RBFOX3: variants seen among roughly 807,000 people sequenced by gnomAD.
RBFOX3 encodes RNA binding protein fox-1 homolog 3.
RBFOX3 carries 17 observed loss-of-function variants against 48.7 expected under a neutral mutation model. That is an observed-to-expected ratio of 0.35 (90% CI 0.24 to 0.52). RBFOX3 has a LOEUF of 0.52. Among genes scored for constraint, RBFOX3 ranks in the 20% least tolerant of loss-of-function variants. The pLI is 0.94. For missense variants in RBFOX3, 382 were observed against 497.5 expected, an observed-to-expected ratio of 0.77 and a Z score of 2.21; for synonymous variants, 212 against 209.5, an observed-to-expected ratio of 1.01 and a Z score of -0.10.
At chr17:79,455,107 G>T (rs1555743951) in intron 2 of RBFOX3, among the ~76,000 whole-genome samples, 1 of 152,012 alleles carries the variant, frequency 6.6e-6, no homozygotes, top group South Asian at 2.1e-4. Context: ...CCTCCACGGG[G>T]TGTGCACAGG....
chr17:79,476,704 A>G (rs1478097352), intron 2 of RBFOX3, among the ~76,000 whole-genome samples: 4 of 152,158 alleles, frequency 2.6e-5, no homozygotes, highest in Admixed American at 6.5e-5. Flanking sequence ...AACTGCAGAG[A>G]AGGAACCAGA....
At chr17:79,379,324 G>A (rs977136085) in intron 2 of RBFOX3, among the ~76,000 whole-genome samples, 13 of 152,096 alleles carry the variant, frequency 8.5e-5, no homozygotes, top group African/African-American at 2.4e-4. Context: ...CTCAGGTCTC[G>A]GGGATGACCT....
rs1450896149 is a variant in RBFOX3 at position 79,199,956 on chromosome 17, T to A, written c.-34+35810A>T. Among the ~76,000 whole-genome samples, 2 of 150,418 alleles carry A rather than the reference T, an allele frequency of 1.3e-5. No homozygotes were observed. The highest frequency in any genetic ancestry group is 2.5e-5 in the African/African-American group (1 of 40,814). On this transcript the variant is annotated intron_variant, in intron 4 of 14. Coordinates refer to ENST00000693108, the MANE Select transcript of RBFOX3 (RefSeq NM_001350451.2). The surrounding 1 kb of genome is among the most constrained non-coding windows in gnomAD (Gnocchi z 5.1). ...TGGGTGGATCACCTGAAGTCAGGAGTTCAAGACCAGCCTGGCCAACATGGT... is the reference window on the plus strand; with the variant it reads ...TGGGTGGATCACCTGAAGTCAGGAGATCAAGACCAGCCTGGCCAACATGGT...
Position 79,186,481 on chromosome 17 carries a change from C to T in RBFOX3, c.-34+49285G>A, listed in dbSNP as rs541759253. 9.9e-5 allele frequency among the ~76,000 whole-genome samples: 15 copies of T among 152,256 alleles called. No homozygotes were observed. The East Asian group carries it at 1.7e-3, about 18-fold the overall frequency. On this transcript the variant is annotated intron_variant, in intron 4 of 14. Coordinates refer to ENST00000693108, the MANE Select transcript of RBFOX3 (RefSeq NM_001350451.2). ...CTACCTCCAGTACCTGGCACCAGGG[C>T]GGTACGAAGCTTTTCAGATTCTCCA... is the stretch of plus-strand genomic sequence containing the variant.
In RBFOX3 at chr17:79,095,031, C is replaced by T. The variant is rs551099336; in HGVS notation, c.998+482G>A. Among the ~76,000 whole-genome samples the T allele has an allele frequency of 5.9e-5, 9 of 152,230 alleles. No individual in the cohort carries two copies. In the East Asian group the frequency reaches 1.7e-3, roughly 30 times the overall value. ...ACTCTCAGCTCCTTAGAGAGCAGAGCTGGGCCACGGCACCCTGTACACCAC... is the reference window on the plus strand; with the variant it reads ...ACTCTCAGCTCCTTAGAGAGCAGAGTTGGGCCACGGCACCCTGTACACCAC... On this transcript the variant is annotated intron_variant, in intron 13 of 14. Transcript: ENST00000693108.
chr17:79,460,778 C>A (rs372631890), intron 2 of RBFOX3, among the ~76,000 whole-genome samples: 1 of 152,156 alleles, frequency 6.6e-6, no homozygotes, highest in African/African-American at 2.4e-5. Context: ...TTTGCCCTTC[C>A]ACTTTCCACC....
chr17:79,592,759 C>T (rs2093459935), intron 1 of RBFOX3, among the ~76,000 whole-genome samples: 1 of 152,224 alleles, frequency 6.6e-6, no homozygotes, highest in Admixed American at 6.5e-5. Flanking sequence ...TCGTCTGTTT[C>T]AGACTGGGCA....
At position 79,563,247 on chromosome 17, in the gene RBFOX3, ATC is replaced by A. The variant is rs2092322118; in HGVS notation, c.-320+47577_-320+47578del. Among the ~76,000 whole-genome samples the A allele has an allele frequency of 2.0e-5, 3 of 152,044 alleles. No homozygotes were observed. The South Asian group carries it at 6.2e-4, about 32-fold the overall frequency. On this transcript the variant is annotated intron_variant, in intron 1 of 14. Coordinates refer to ENST00000693108, the MANE Select transcript of RBFOX3 (RefSeq NM_001350451.2). ...AAAAAAAAAAAACAAAAAAACAAGAATCTCTAAGGAATGTTCAATGAGAAGGA... is the reference window on the plus strand; with the variant it reads ...AAAAAAAAAAAACAAAAAAACAAGAATCTAAGGAATGTTCAATGAGAAGGA...
In RBFOX3 at chr17:79,249,217, C is replaced by T. The variant is rs543562823; in HGVS notation, c.-73-13412G>A. Among the ~76,000 whole-genome samples, 50 of 152,276 alleles carry T rather than the reference C, an allele frequency of 3.3e-4. No individual in the cohort carries two copies. Among genetic ancestry groups the T allele is most frequent in the South Asian group, 1.2e-3 (6 of 4,812 alleles). ...CTGCTGCTTGCTGGGGCGTCGAAAG[C>T]CAAGCGCGCTCAGGTCTTCAAAGCC... On this transcript the variant is annotated intron_variant, in intron 3 of 14. Transcript: ENST00000693108. This position sits in a 1 kb window ranked among gnomAD's most constrained non-coding sequence, Gnocchi z 4.1.
At chr17:79,289,016 TG>T (rs1398413080) in intron 3 of RBFOX3, among the ~76,000 whole-genome samples, 2 of 152,106 alleles carry the variant, frequency 1.3e-5, no homozygotes, top group African/African-American at 4.8e-5. Flanking sequence ...CTTGCATCCA[TG>T]GGGACAGCTG....
At chr17:79,498,040 G>T (rs1204462452) in intron 1 of RBFOX3, among the ~76,000 whole-genome samples, 3 of 152,236 alleles carry the variant, frequency 2.0e-5, no homozygotes, top group African/African-American at 7.2e-5. Flanking sequence ...AAGCAGACAG[G>T]AGAGGAGCAG....
At chr17:79,492,312 CA>C (rs2080801595) in intron 1 of RBFOX3, among the ~76,000 whole-genome samples, 1 of 152,106 alleles carries the variant, frequency 6.6e-6, no homozygotes, top group Non-Finnish European at 1.5e-5. Flanking sequence ...CCCCTGGTGT[CA>C]CCTCCCCTGT....
intron 4 of RBFOX3, among the ~76,000 whole-genome samples, chr17:79,133,775 ATCAT>A: frequency 6.6e-6 from 1 of 152,312 alleles, no homozygotes; most frequent in African/African-American, 2.4e-5. Context: ...TGGCAAGAAC[ATCAT>A]CCAGGCCAAA....
At chr17:79,262,086 T>A (rs1220610500) in intron 3 of RBFOX3, among the ~76,000 whole-genome samples, 1 of 152,264 alleles carries the variant, frequency 6.6e-6, no homozygotes, top group Non-Finnish European at 1.5e-5. Context: ...TTTGAGTAAC[T>A]TTGAGATTCC....
In RBFOX3 at chr17:79,090,549, A is replaced by AGAGC. The variant is rs1491173258; in HGVS notation, c.*330_*333dup. 2.9e-6 allele frequency: 1 copy of AGAGC among 340,614 alleles called. No individual in the cohort carries two copies. The highest frequency in any genetic ancestry group is 2.1e-5 in the African/African-American group (1 of 46,776). The allele number at this position is 340,614 out of a possible 1,614,324, so 21.1% of individuals were successfully genotyped here. A position where few individuals can be genotyped will look rare whatever the true frequency, so the allele number is the denominator to read the frequency against. Reference sequence around the variant, plus strand: ...GGGAAAGGAAGACTGGATGGAAAACAGAGCCCCCCACGGGTCCCACAAGGG... The same window carrying AGAGC: ...GGGAAAGGAAGACTGGATGGAAAACAGAGCGAGCCCCCCACGGGTCCCACAAGGG... On this transcript the variant is annotated 3_prime_UTR_variant, in exon 15 of 15. Transcript: ENST00000693108.
At chr17:79,329,695 C>T (rs183578410) in intron 2 of RBFOX3, among the ~76,000 whole-genome samples, 79 of 152,260 alleles carry the variant, frequency 5.2e-4, no homozygotes, top group African/African-American at 1.7e-3. Flanking sequence ...TGGCCAGCCC[C>T]GGTGCATCTT....
chr17:79,517,763 G>C (rs907614616), intron 1 of RBFOX3, among the ~76,000 whole-genome samples: 17 of 152,144 alleles, frequency 1.1e-4, no homozygotes, highest in African/African-American at 4.1e-4. Flanking sequence ...TATCATTTCG[G>C]TAACATCGAC....
At chr17:79,267,183 C>A (rs1442608257) in intron 3 of RBFOX3, among the ~76,000 whole-genome samples, 2 of 151,920 alleles carry the variant, frequency 1.3e-5, no homozygotes, top group Admixed American at 6.5e-5. Flanking sequence ...GGCAAGGGGG[C>A]ATCACACCAG....
At chr17:79,333,665 G>A (rs1446227216) in intron 2 of RBFOX3, among the ~76,000 whole-genome samples, 1 of 152,176 alleles carries the variant, frequency 6.6e-6, no homozygotes, top group African/African-American at 2.4e-5. Context: ...CATGACCCCA[G>A]AGAGGTCTGT....
Sources: gnomAD v4.1 joint callset for allele counts (sites outside exome capture counted in the v4.1 genomes callset) on GRCh38, gnomAD v4.1.1 for gene constraint, Gnocchi (gnomAD v3.1) non-coding constraint, MANE v1.5 for transcripts, NCBI Gene and HGNC (gene_info 2026-07-23, HGNC 2026-07-21) for gene names.